Variants in TNS4 observed in about 807,000 individuals in gnomAD.
The protein encoded by TNS4 is tensin 4.
Under a neutral mutation model 70.4 loss-of-function variants are expected in TNS4, and 46 were observed. The ratio of observed to expected loss-of-function variants is 0.65; its 90% confidence interval spans 0.52 to 0.84. TNS4 has a LOEUF of 0.84. Among genes scored for constraint, TNS4 ranks in the 40% least tolerant of loss-of-function variants. TNS4 has a pLI of 0.00. For synonymous variants in TNS4, 390 were observed against 366.6 expected, an observed-to-expected ratio of 1.06 and a Z score of -0.73; for missense variants, 863 against 907.0, an observed-to-expected ratio of 0.95 and a Z score of 0.62.
At chr17:40,492,595 G>GT (rs1193528841) in intron 2 of TNS4, among the ~76,000 whole-genome samples, 1,584 of 126,686 alleles carry the variant, frequency 0.013, 13 homozygotes, top group Non-Finnish European at 0.018. Context: ...ACATGGACTA[G>GT]TTTTTTTTTT....
intron 6 of TNS4, among the ~76,000 whole-genome samples, chr17:40,483,055 T>G (rs1176170512): frequency 6.6e-6 from 1 of 151,764 alleles, no homozygotes; most frequent in Non-Finnish European, 1.5e-5. Flanking sequence ...GCTTAAGGAA[T>G]CCTCCCACCT....
intron 3 of TNS4, 129 bp from the exon 4 acceptor site, chr17:40,487,589 C>G: frequency 1.1e-6 from 1 of 909,384 alleles, no homozygotes; most frequent in Non-Finnish European, 1.6e-6. Flanking sequence ...ATACCCCACC[C>G]CCTACAGCCC....
At chr17:40,481,530 A>G (rs2035921525) in intron 8 of TNS4, among the ~76,000 whole-genome samples, 1 of 151,468 alleles carries the variant, frequency 6.6e-6, no homozygotes, top group South Asian at 2.1e-4. Flanking sequence ...ACGCCCAGCT[A>G]AATTTTTGTA....
At chr17:40,478,525 G>A (rs1727129217) in intron 11 of TNS4, 55 bp downstream of exon 11, 1 of 1,603,368 alleles carries the variant, frequency 6.2e-7, no homozygotes, top group Admixed American at 1.7e-5. Context: ...AGGACGCCTT[G>A]GTGGGCAGCG....
rs138122099 is a variant in TNS4 at position 40,488,915 on chromosome 17, T to A, written c.494A>T (p.Gln165Leu). ...SARSRCHDGPQHCSSPSVTPP... is the reference protein window; with the variant it reads ...SARSRCHDGPLHCSSPSVTPP... ...GGTGACAGAGGGGCTGGAGCAGTGCTGGGGGCCATCGTGGCACCTTGATCT... is the reference window on the plus strand; with the variant it reads ...GGTGACAGAGGGGCTGGAGCAGTGCAGGGGGCCATCGTGGCACCTTGATCT... Residue 165 changes from glutamine (Q) to leucine (L), a missense_variant, in exon 3 of 13, where the codon CAG (glutamine) becomes CTG (leucine). By Grantham distance (113) the Gln-to-Leu change is moderately radical (BLOSUM62 -2). Coordinates refer to ENST00000254051, the MANE Select transcript of TNS4 (RefSeq NM_032865.6). 2.0e-5 allele frequency: 32 copies of A among 1,602,616 alleles called. No homozygotes were observed. The African/African-American group carries it at 4.1e-4, about 20-fold the overall frequency.
At chr17:40,500,154 TC>T in intron 1 of TNS4, among the ~76,000 whole-genome samples, 1 of 152,214 alleles carries the variant, frequency 6.6e-6, no homozygotes, top group South Asian at 2.1e-4. Context: ...GTGGTCTTGC[TC>T]CACGGTCCCA....
At chr17:40,499,401 C>A (rs1209940014) in intron 1 of TNS4, among the ~76,000 whole-genome samples, 4 of 152,158 alleles carry the variant, frequency 2.6e-5, no homozygotes, top group Non-Finnish European at 1.5e-5. Flanking sequence ...GCCGAATAAA[C>A]CCCTTCCTTC....
intron 8 of TNS4, chr17:40,481,002 C>T (rs951116664): frequency 3.9e-6 from 2 of 517,300 alleles, no homozygotes; most frequent in Admixed American, 4.2e-5. Context: ...CTCGCCCCCC[C>T]ACCTCTTAGA....
At chr17:40,486,964 T>C in intron 4 of TNS4, 72 bp downstream of exon 4, 2 of 1,563,642 alleles carry the variant, frequency 1.3e-6, no homozygotes, top group Non-Finnish European at 1.7e-6. Flanking sequence ...TGACTGGCTG[T>C]TGCAGAAACC....
chr17:40,500,310 T>G (rs1442653180), intron 1 of TNS4, among the ~76,000 whole-genome samples: 4 of 152,210 alleles, frequency 2.6e-5, no homozygotes, highest in Non-Finnish European at 5.9e-5. Flanking sequence ...TCCCCTCACT[T>G]TTAAGGCTCT....
intron 12 of TNS4, 38 bp from the exon 13 acceptor site, chr17:40,477,767 C>G: frequency 1.2e-6 from 2 of 1,605,426 alleles, no homozygotes; most frequent in African/African-American, 1.3e-5. Context: ...GGGTGGGACC[C>G]AGGGAGGCAT....
In TNS4 at chr17:40,479,796, A is replaced by G; in HGVS notation, c.1788T>C (p.Thr596=). The change falls in exon 10 of 13, where the codon ACT becomes ACC. Residue 596 remains threonine (T), a synonymous_variant. Transcript: ENST00000254051. ...YLSSVSVETL[T]GALAVQKAIS... ...TGGCTTTCTGCACGGCCAGGGCTCC[A>G]GTCAGGGTCTCCACGCTCACTGAGC... 2.5e-6 allele frequency: 4 copies of G among 1,613,890 alleles called. No individual in the cohort carries two copies. The highest frequency in any genetic ancestry group is 1.1e-5 in the South Asian group (1 of 91,050).
intron 6 of TNS4, among the ~76,000 whole-genome samples, chr17:40,484,090 C>T (rs2035960917): frequency 3.9e-5 from 6 of 152,194 alleles, no homozygotes; most frequent in Admixed American, 3.9e-4. Context: ...TGAGCTAGTA[C>T]ACAAACCTGG....
chr17:40,476,956 G>A lies in TNS4; in HGVS notation c.*632C>T, dbSNP rs2035855844. 1 of 152,254 alleles carries A rather than the reference G, an allele frequency of 6.6e-6. No individual in the cohort carries two copies. Among genetic ancestry groups the A allele is most frequent in the African/African-American group, 2.4e-5 (1 of 41,444 alleles). 9.4% of individuals were successfully genotyped at this position (152,254 alleles called of 1,614,324 possible). On this transcript the variant is annotated 3_prime_UTR_variant, in exon 13 of 13. Transcript: ENST00000254051. ...GACAGCTGGGTCTCCTCTGACCATG[G>A]GGACAAGTTCCCCCTGCTGAGCTGC... is the stretch of plus-strand genomic sequence containing the variant.
intron 6 of TNS4, among the ~76,000 whole-genome samples, chr17:40,484,193 C>G (rs139669092): frequency 1.3e-5 from 2 of 152,160 alleles, no homozygotes; most frequent in African/African-American, 4.8e-5. Context: ...GAAGAGCAGC[C>G]TAGAGGGGGC....
At chr17:40,492,238 C>A (rs567507780) in intron 2 of TNS4, among the ~76,000 whole-genome samples, 17 of 152,224 alleles carry the variant, frequency 1.1e-4, no homozygotes, top group Non-Finnish European at 2.1e-4. Flanking sequence ...GGATTTGAGG[C>A]CTGACCTATC....
At chr17:40,479,913 G>C in intron 9 of TNS4, 71 bp from the exon 10 acceptor site, 1 of 1,494,290 alleles carries the variant, frequency 6.7e-7, no homozygotes, top group Non-Finnish European at 8.9e-7. Context: ...CAGGGCCAGG[G>C]GAGGGGGTGA....
At position 40,496,133 on chromosome 17, in the gene TNS4, A is replaced by T. The variant is rs763933387; in HGVS notation, c.293T>A (p.Ile98Asn). 2.5e-6 allele frequency: 4 copies of T among 1,610,438 alleles called. No homozygotes were observed. In the African/African-American group the frequency reaches 5.4e-5, roughly 22 times the overall value. Residue 98 changes from isoleucine to asparagine, a missense_variant, in exon 2 of 13, where the codon ATT becomes AAT. By Grantham distance (149) the Ile-to-Asn change is moderately radical (BLOSUM62 -3). Coordinates refer to ENST00000254051, the MANE Select transcript of TNS4 (RefSeq NM_032865.6). ...LGTPEDLDSY[I>N]DFSLESLNQM... ...ATTGAGGCTCTCCAGTGAGAAGTCA[A>T]TGTAGGAGTCAAGGTCCTCTGGGGT... is the stretch of plus-strand genomic sequence containing the variant.
At chr17:40,478,724 C>T in intron 10 of TNS4, 76 bp from the exon 11 acceptor site, 1 of 1,527,268 alleles carries the variant, frequency 6.5e-7, no homozygotes, top group East Asian at 2.3e-5. Flanking sequence ...ATCTCTCGTT[C>T]CCCCCAAGCT....
Sources: allele counts gnomAD v4.1 joint callset (sites outside exome capture counted in the v4.1 genomes callset), GRCh38; gene constraint gnomAD v4.1.1; transcripts MANE v1.5; gene names NCBI Gene and HGNC (gene_info 2026-07-23, HGNC 2026-07-21).